Variants in ALOX5AP observed in about 807,000 individuals in gnomAD.
The protein encoded by ALOX5AP is arachidonate 5-lipoxygenase-activating protein.
ALOX5AP carries 9 observed loss-of-function variants against 18.5 expected under a neutral mutation model. The observed-to-expected ratio is 0.49, with a 90% CI of 0.29 to 0.85. The LOEUF (loss-of-function observed/expected upper bound fraction) is 0.85. Among genes scored for constraint, ALOX5AP ranks in the 40% least tolerant of loss-of-function variants. The pLI is 0.08. For missense variants in ALOX5AP, 172 were observed against 202.5 expected (o/e 0.85, Z 0.91); for synonymous variants, 81 against 78.6 (o/e 1.03, Z -0.16).
At chr13:30,743,962 C>A in intron 1 of ALOX5AP, 98 bp from the exon 2 acceptor site, 1 of 984,462 alleles carries the variant, frequency 1.0e-6, no homozygotes. Flanking sequence ...GCTTGGAGGT[C>A]AAGTCAAGGA....
At chr13:30,736,636 G>A (rs1044454693) in intron 1 of ALOX5AP, among the ~76,000 whole-genome samples, 1 of 152,230 alleles carries the variant, frequency 6.6e-6, no homozygotes, top group Non-Finnish European at 1.5e-5. Context: ...CCCATCTTGA[G>A]TGTGGACAGA....
At chr13:30,740,498 C>T (rs1400112895) in intron 1 of ALOX5AP, among the ~76,000 whole-genome samples, 1 of 152,182 alleles carries the variant, frequency 6.6e-6, no homozygotes, top group Non-Finnish European at 1.5e-5. Context: ...TTTTGGCTTA[C>T]TGTTAGCAGC....
At chr13:30,744,856 G>A (rs1030073841) in intron 2 of ALOX5AP, among the ~76,000 whole-genome samples, 1 of 152,180 alleles carries the variant, frequency 6.6e-6, no homozygotes, top group African/African-American at 2.4e-5. Flanking sequence ...GGCATGCTGG[G>A]GACTATGGAC....
chr13:30,752,091 G>T lies in ALOX5AP; in HGVS notation c.210G>T (p.Val70=). 1 of 1,612,442 alleles carries T rather than the reference G, an allele frequency of 6.2e-7. No individual in the cohort carries two copies. Among genetic ancestry groups the T allele is most frequent in the Non-Finnish European group, 8.5e-7 (1 of 1,179,392 alleles). Residue 70 remains valine (V), a synonymous_variant, in exon 3 of 5, where the codon GTG becomes GTT. Transcript: ENST00000380490. ...CVDAYPTFLA[V]LWSAGLLCSQ... is the part of the protein sequence containing the mutation. ...ATGCGTACCCCACTTTCCTCGCTGT[G>T]CTCTGGTCTGCGGGGCTACTTTGCA...
chr13:30,754,000 G>A (rs1156797399), intron 3 of ALOX5AP, among the ~76,000 whole-genome samples: 1 of 152,226 alleles, frequency 6.6e-6, no homozygotes, highest in African/African-American at 2.4e-5. Context: ...AGCACTTTGG[G>A]AGGCCGAGGC....
intron 3 of ALOX5AP, among the ~76,000 whole-genome samples, chr13:30,753,642 T>C (rs909684914): frequency 1.3e-5 from 2 of 152,210 alleles, no homozygotes; most frequent in African/African-American, 4.8e-5. Flanking sequence ...TCCCTCACTT[T>C]ATAGAGCAGA....
chr13:30,734,990 GTTTCA>G (rs1424387635), upstream of ALOX5AP, among the ~76,000 whole-genome samples: 1 of 152,048 alleles, frequency 6.6e-6, no homozygotes, highest in Non-Finnish European at 1.5e-5. Flanking sequence ...TTTTTTTAAA[GTTTCA>G]TTTTACATTT....
intron 4 of ALOX5AP, 96 bp downstream of exon 4, chr13:30,756,121 C>A: frequency 1.7e-6 from 2 of 1,184,560 alleles, no homozygotes; most frequent in Non-Finnish European, 2.5e-6. Context: ...AGATTCACGG[C>A]TCCGTAGCAT....
At chr13:30,744,205 G>A (rs978215931) in intron 2 of ALOX5AP, 46 bp downstream of exon 2, 20 of 1,560,410 alleles carry the variant, frequency 1.3e-5, no homozygotes, top group African/African-American at 4.1e-5. Flanking sequence ...GCATGGGCAG[G>A]GGGGCCTCCT....
chr13:30,758,847 C>G (rs1366676147), intron 4 of ALOX5AP, among the ~76,000 whole-genome samples: 2 of 151,846 alleles, frequency 1.3e-5, no homozygotes, highest in Non-Finnish European at 2.9e-5. Flanking sequence ...CATAGTCTTG[C>G]TCTGTCACCC....
intron 1 of ALOX5AP, among the ~76,000 whole-genome samples, chr13:30,736,281 A>G (rs1277284929): frequency 6.6e-6 from 1 of 150,756 alleles, no homozygotes; most frequent in Admixed American, 6.6e-5. Context: ...TATACTTCAG[A>G]AAGAGAGAGA....
At chr13:30,732,107 C>G (rs989446011), upstream of ALOX5AP, among the ~76,000 whole-genome samples, 4 of 152,260 alleles carry the variant, frequency 2.6e-5, no homozygotes, top group African/African-American at 9.6e-5. Flanking sequence ...CTCCCTCCAT[C>G]CCCGGGCCTC....
chr13:30,716,256 T>C (rs1429133937), intron 1 of ALOX5AP, among the ~76,000 whole-genome samples: 1 of 152,196 alleles, frequency 6.6e-6, no homozygotes, highest in Non-Finnish European at 1.5e-5. Context: ...CTGCCAACAC[T>C]GCAACAACAG....
At chr13:30,751,799 CAA>C (rs1466722119) in intron 2 of ALOX5AP, among the ~76,000 whole-genome samples, 1 of 152,208 alleles carries the variant, frequency 6.6e-6, no homozygotes, top group Non-Finnish European at 1.5e-5. Flanking sequence ...ATCAAGAAAC[CAA>C]GTCTCCCTTA....
At chr13:30,742,951 A>G (rs1205799372) in intron 1 of ALOX5AP, among the ~76,000 whole-genome samples, 2 of 123,436 alleles carry the variant, frequency 1.6e-5, no homozygotes, top group Non-Finnish European at 3.3e-5. Context: ...CCACCACCCC[A>G]GTCAATTCCT....
In ALOX5AP at chr13:30,728,224, A is replaced by C. The variant is rs569230083; in HGVS notation, c.117-7327A>C. 4.6e-5 allele frequency among the ~76,000 whole-genome samples: 7 copies of C among 152,302 alleles called. No homozygotes were observed. In the South Asian group the frequency reaches 1.5e-3, roughly 32 times the overall value. On this transcript the variant is annotated intron_variant, in intron 1 of 5. Transcript: ENST00000617770. ...TTATAACCAGAAGTCAGGAAAAAGC[A>C]AGAAGGAATCCTCCCTTAGTGATTT...
intron 4 of ALOX5AP, among the ~76,000 whole-genome samples, chr13:30,760,905 G>T (rs1001849522): frequency 6.6e-6 from 1 of 151,872 alleles, no homozygotes; most frequent in Non-Finnish European, 1.5e-5. Context: ...TCTGTGGTTG[G>T]TATAAAAAAA....
chr13:30,714,490 G>A (rs917910121), intron 1 of ALOX5AP, among the ~76,000 whole-genome samples: 3 of 151,262 alleles, frequency 2.0e-5, no homozygotes, highest in African/African-American at 7.3e-5. Flanking sequence ...CCATTTTGGG[G>A]GGCATCATTC....
intron 1 of ALOX5AP, among the ~76,000 whole-genome samples, chr13:30,729,955 G>A (rs113639173): frequency 7.4e-4 from 113 of 152,332 alleles, no homozygotes; most frequent in African/African-American, 2.5e-3. Context: ...ACGTACAAAT[G>A]CATAAGCAAT....
Sources: gnomAD v4.1 joint callset for allele counts (sites outside exome capture counted in the v4.1 genomes callset) on GRCh38, gnomAD v4.1.1 for gene constraint, MANE v1.5 for transcripts, NCBI Gene and HGNC (gene_info 2026-07-23, HGNC 2026-07-21) for gene names.